TBC1D15: variants seen among roughly 807,000 people sequenced by gnomAD.
TBC1D15 encodes GAP for RAB7.
Under a neutral mutation model 95.4 loss-of-function variants are expected in TBC1D15, and 39 were observed. That is an observed-to-expected ratio of 0.41 (90% CI 0.32 to 0.53). TBC1D15 has a LOEUF of 0.53. Among genes scored for constraint, TBC1D15 ranks in the 20% least tolerant of loss-of-function variants. The pLI is 0.29. For synonymous variants in TBC1D15, 258 were observed against 261.3 expected (o/e 0.99, Z 0.12); for missense variants, 733 against 794.3 (o/e 0.92, Z 0.93).
chr12:71,917,675 G>C lies in TBC1D15; in HGVS notation c.1402-23G>C, dbSNP rs773620443. On this transcript the variant is annotated intron_variant, in intron 12 of 16. Coordinates refer to ENST00000485960, the MANE Select transcript of TBC1D15 (RefSeq NM_001146213.3). ...ATAAAATATTTATTAAATATTACTTGTAACAATTATTTCCTTTTAAAGCAT... is the reference window on the plus strand; with the variant it reads ...ATAAAATATTTATTAAATATTACTTCTAACAATTATTTCCTTTTAAAGCAT... 6.8e-6 allele frequency: 10 copies of C among 1,468,134 alleles called. No individual in the cohort carries two copies. The East Asian group carries it at 2.3e-4, about 33-fold the overall frequency. 90.9% of individuals were successfully genotyped at this position (1,468,134 alleles called of 1,614,324 possible).
At chr12:71,862,365 G>A (rs893959500) in intron 1 of TBC1D15, among the ~76,000 whole-genome samples, 14 of 152,090 alleles carry the variant, frequency 9.2e-5, no homozygotes, top group African/African-American at 3.4e-4. Context: ...CTTTGGTGTT[G>A]AGTGCATATA....
chr12:71,894,307 T>C, intron 6 of TBC1D15: 1 of 1,611,520 alleles, frequency 6.2e-7, no homozygotes, highest in Non-Finnish European at 8.5e-7. Flanking sequence ...CTTCAAGAAA[T>C]ATTTTTTTTG....
In TBC1D15 at chr12:71,872,995, G is replaced by A; in HGVS notation, c.196G>A (p.Ala66Thr). The A allele has an allele frequency of 6.2e-7, 1 of 1,603,110 alleles. No homozygotes were observed. Among genetic ancestry groups the A allele is most frequent in the Non-Finnish European group, 8.5e-7 (1 of 1,174,780 alleles). The part of the protein sequence containing the change: ...DALDSSSILY[A>T]RKDSSSVVEW... ...ATTAGATTCCTCTAGTATTCTCTAT[G>A]CTAGAAAGGTATTTAAGAAAAAAAT... The change falls in exon 3 of 17, where the codon GCT (alanine) becomes ACT (threonine). Residue 66 changes from alanine to threonine, a missense_variant. Coordinates refer to ENST00000485960, the MANE Select transcript of TBC1D15 (RefSeq NM_001146213.3).
chr12:71,887,370 T>C (rs1187772342), intron 5 of TBC1D15, among the ~76,000 whole-genome samples: 1 of 152,194 alleles, frequency 6.6e-6, no homozygotes, highest in African/African-American at 2.4e-5. Flanking sequence ...CATTGAAGGA[T>C]GTGGTTTAAC....
intron 13 of TBC1D15, among the ~76,000 whole-genome samples, chr12:71,918,108 TCACTC>T: frequency 6.6e-6 from 1 of 152,122 alleles, no homozygotes; most frequent in Admixed American, 6.5e-5. Context: ...TGAACTGGGA[TCACTC>T]CACTGCACTC....
At chr12:71,840,204 G>C (rs752360284) in intron 1 of TBC1D15, among the ~76,000 whole-genome samples, 1 of 152,160 alleles carries the variant, frequency 6.6e-6, no homozygotes, top group Non-Finnish European at 1.5e-5. Flanking sequence ...AACCCGACTT[G>C]CCTCTGTCTT....
rs185908279 is a variant in TBC1D15, at chr12:71,842,783, A to G, written c.30+2972A>G. The stretch of plus-strand genomic sequence containing the variant: ...GACTTGGAGGCTGCAGTGAGCTATG[A>G]TGGTGCTACTGCACTCCAGCTTGGG... On this transcript the variant is annotated intron_variant, in intron 1 of 16. Transcript: ENST00000485960. Among the ~76,000 whole-genome samples, 40 of 145,822 alleles carry G rather than the reference A, an allele frequency of 2.7e-4. No individual in the cohort carries two copies. In the East Asian group the frequency reaches 8.0e-3, roughly 29 times the overall value.
intron 1 of TBC1D15, among the ~76,000 whole-genome samples, chr12:71,870,058 A>G (rs1029999568): frequency 6.6e-6 from 1 of 152,142 alleles, no homozygotes; most frequent in Non-Finnish European, 1.5e-5. Flanking sequence ...ACTTCATAAA[A>G]GTGTAAATGT....
chr12:71,876,747 C>T (rs1433180584), intron 3 of TBC1D15, among the ~76,000 whole-genome samples: 2 of 148,566 alleles, frequency 1.3e-5, no homozygotes, highest in Middle Eastern at 3.3e-3. Context: ...ATTGGCCTGG[C>T]AGGCCAAGAA....
intron 3 of TBC1D15, among the ~76,000 whole-genome samples, chr12:71,879,869 T>G (rs929957279): frequency 2.0e-5 from 3 of 152,242 alleles, no homozygotes; most frequent in African/African-American, 7.2e-5. Flanking sequence ...TATCTTTAGC[T>G]AATATATGGT....
chr12:71,907,979 T>G (rs1901181301), intron 11 of TBC1D15: 1 of 152,324 alleles, frequency 6.6e-6, no homozygotes, highest in African/African-American at 2.4e-5. Flanking sequence ...AAGACCAGCC[T>G]GGCCAACATG....
intron 3 of TBC1D15, among the ~76,000 whole-genome samples, chr12:71,878,411 C>CAG (rs148681015): frequency 8.1e-4 from 120 of 148,714 alleles, no homozygotes; most frequent in East Asian, 7.6e-3. Flanking sequence ...AAGTAGAAGT[C>CAG]AGAGAGAGAG....
chr12:71,897,917 T>C lies in TBC1D15; in HGVS notation c.1159T>C (p.Leu387=). The change falls in exon 10 of 17, where the codon TTA becomes CTA. Residue 387 remains leucine, a synonymous_variant. Coordinates refer to ENST00000485960, the MANE Select transcript of TBC1D15 (RefSeq NM_001146213.3). ...GGAACAAGAGAAAAGAAATTCGAGG[T>C]TAAGAGATTATAGAAGTCTTATCGG... is the stretch of plus-strand genomic sequence containing the variant. ...SQEQEKRNSR[L]RDYRSLIEKD... The C allele has an allele frequency of 6.2e-7, 1 of 1,612,536 alleles. No homozygotes were observed. Among genetic ancestry groups the C allele is most frequent in the Non-Finnish European group, 8.5e-7 (1 of 1,178,970 alleles).
intron 3 of TBC1D15, among the ~76,000 whole-genome samples, chr12:71,879,036 A>G (rs114259070): frequency 5.3e-5 from 8 of 151,894 alleles, no homozygotes; most frequent in Admixed American, 2.0e-4. Context: ...GAATTATACT[A>G]TTGACACATG....
At chr12:71,885,296 A>C (rs1237793889) in intron 5 of TBC1D15, among the ~76,000 whole-genome samples, 4 of 152,380 alleles carry the variant, frequency 2.6e-5, no homozygotes, top group African/African-American at 9.6e-5. Context: ...ATGATGCATT[A>C]GTAATTTATG....
At chr12:71,900,052 G>A (rs188506215) in intron 10 of TBC1D15, among the ~76,000 whole-genome samples, 1 of 152,264 alleles carries the variant, frequency 6.6e-6, no homozygotes, top group East Asian at 1.9e-4. Context: ...TATGGGGTGT[G>A]AAGGGGAAAG....
At chr12:71,840,596 T>A (rs1185274442) in intron 1 of TBC1D15, among the ~76,000 whole-genome samples, 1 of 152,210 alleles carries the variant, frequency 6.6e-6, no homozygotes, top group Non-Finnish European at 1.5e-5. Context: ...CTATCAGCTT[T>A]ATGATATGCC....
intron 2 of TBC1D15, 65 bp downstream of exon 2, chr12:71,872,233 T>G (rs1294561288): frequency 1.1e-6 from 1 of 952,072 alleles, no homozygotes; most frequent in Non-Finnish European, 1.5e-6. Context: ...TTTGGAGAAT[T>G]ATCAGAAAGT....
rs559830426 is a variant in TBC1D15 at position 71,840,147 on chromosome 12, T to C, written c.30+336T>C. 1.1e-4 allele frequency among the ~76,000 whole-genome samples: 17 copies of C among 152,354 alleles called. No homozygotes were observed. In the South Asian group the frequency reaches 3.5e-3, roughly 32 times the overall value. On this transcript the variant is annotated intron_variant, in intron 1 of 16. Coordinates refer to ENST00000485960, the MANE Select transcript of TBC1D15 (RefSeq NM_001146213.3). Reference sequence around the variant, plus strand: ...TCACTGTTTCTTGACTCTAGTTCTTTATGTCTACTCTTCTGACTCCAGCGT... The same window carrying C: ...TCACTGTTTCTTGACTCTAGTTCTTCATGTCTACTCTTCTGACTCCAGCGT...
Sources: gnomAD v4.1 joint callset for allele counts (sites outside exome capture counted in the v4.1 genomes callset) on GRCh38, gnomAD v4.1.1 for gene constraint, MANE v1.5 for transcripts, NCBI Gene and HGNC (gene_info 2026-07-23, HGNC 2026-07-21) for gene names.